The following DNAH17 variants were observed in gnomAD, a reference collection of about 807,000 sequenced individuals.
The protein encoded by DNAH17 is dynein axonemal heavy chain 17.
In DNAH17, 376 loss-of-function variants were observed where a neutral mutation model predicts 485.6. That is an observed-to-expected ratio of 0.77 (90% CI 0.71 to 0.84). The LOEUF (loss-of-function observed/expected upper bound fraction) is 0.84, where lower values mean the gene tolerates loss of function less well. Among genes scored for constraint, DNAH17 ranks in the 40% least tolerant of loss-of-function variants. The probability of loss-of-function intolerance (pLI) is 0.00; values close to 1 mark genes in which losing one functional copy is unlikely to be tolerated. For missense variants in DNAH17, 6,370 were observed against 5,839.3 expected, an observed-to-expected ratio of 1.09 and a Z score of -2.96; for synonymous variants, 3,031 against 2,405.9, an observed-to-expected ratio of 1.26 and a Z score of -7.60.
At chr17:78,460,428 G>A (rs1312229489) in intron 58 of DNAH17, among the ~76,000 whole-genome samples, 171 bp from the exon 59 acceptor site, 1 of 152,024 alleles carries the variant, frequency 6.6e-6, no homozygotes, top group African/African-American at 2.4e-5. Context: ...ATGTGTATGT[G>A]CATCCATGTG....
At position 78,463,216 on chromosome 17, in the gene DNAH17, G is replaced by A. The variant is rs149488106; in HGVS notation, c.8941-139C>T. 2.4e-4 allele frequency: 177 copies of A among 722,462 alleles called. 1 individual carries two copies. In the East Asian group the frequency reaches 4.5e-3, roughly 18 times the overall value. The allele number at this position is 722,462 out of a possible 1,614,324, so 44.8% of individuals were successfully genotyped here. On this transcript the variant is annotated intron_variant, in intron 56 of 80. Coordinates refer to ENST00000389840, the MANE Select transcript of DNAH17 (RefSeq NM_173628.4). ...CCTCAGTGTCTTCAACTGCCCAAAG[G>A]GGCTCCTGAGAGCAACAGATCCTGG...
intron 44 of DNAH17, among the ~76,000 whole-genome samples, chr17:78,486,832 A>C (rs2089631748): frequency 6.6e-6 from 1 of 152,124 alleles, no homozygotes; most frequent in East Asian, 1.9e-4. Context: ...GATGGGGCAG[A>C]ACAGAAAAGG....
chr17:78,474,435 G>A (rs1262545467), intron 54 of DNAH17, among the ~76,000 whole-genome samples: 1 of 152,198 alleles, frequency 6.6e-6, no homozygotes, highest in Admixed American at 6.5e-5. Flanking sequence ...GTGTGTGTTG[G>A]GCATGGGAGA....
chr17:78,485,663 G>A lies in DNAH17; in HGVS notation c.7370C>T (p.Ala2457Val), dbSNP rs139963298. ...CATCAGCACCGACTTGCCCGTCCCCGCGTTCCCCACCAGCATCACCGGCCA... is the reference window on the plus strand; with the variant it reads ...CATCAGCACCGACTTGCCCGTCCCCACGTTCCCCACCAGCATCACCGGCCA... ...KSWPVMLVGNAGTGKSVLMGD... is the reference protein window; with the variant it reads ...KSWPVMLVGNVGTGKSVLMGD... Residue 2457 changes from alanine to valine, a missense_variant, in exon 47 of 81, where the codon GCG (alanine) becomes GTG (valine). Physicochemically the swap from Ala to Val is moderately conservative, Grantham distance 64. Transcript: ENST00000389840. 19 of 1,613,970 alleles carry A rather than the reference G, an allele frequency of 1.2e-5. No homozygotes were observed. The highest frequency in any genetic ancestry group is 6.7e-5 in the East Asian group (3 of 44,882).
intron 16 of DNAH17, among the ~76,000 whole-genome samples, chr17:78,544,861 C>T (rs954978489): frequency 7.0e-6 from 1 of 142,484 alleles, no homozygotes; most frequent in Non-Finnish European, 1.5e-5. Context: ...ATGATTTGGA[C>T]TTTACTGTTA....
rs191099967 is a variant in DNAH17 at position 78,466,541 on chromosome 17, G to A, written c.8940+114C>T. The stretch of plus-strand genomic sequence containing the variant: ...CTTAAACGTTGAGCCCAAGGCGGAC[G>A]CCTCACTTGGCTCACCCTAATCCCA... On this transcript the variant is annotated intron_variant, in intron 56 of 80. Coordinates refer to ENST00000389840, the MANE Select transcript of DNAH17 (RefSeq NM_173628.4). The A allele has an allele frequency of 7.2e-5, 70 of 977,416 alleles. No homozygotes were observed. In the East Asian group the frequency reaches 1.5e-3, roughly 22 times the overall value. 60.5% of individuals were successfully genotyped at this position (977,416 alleles called of 1,614,324 possible).
chr17:78,433,884 T>C (rs1268313758), intron 75 of DNAH17, 145 bp downstream of exon 75: 2 of 636,444 alleles, frequency 3.1e-6, no homozygotes, highest in Non-Finnish European at 4.8e-6. Flanking sequence ...ACTTGATGTC[T>C]TTTAAGCCTA....
chr17:78,542,285 T>C (rs1235707938), intron 17 of DNAH17, among the ~76,000 whole-genome samples: 3 of 151,964 alleles, frequency 2.0e-5, no homozygotes, highest in Admixed American at 2.0e-4. Context: ...GTAGCTAGGA[T>C]TACAGGTTCC....
chr17:78,492,253 G>A (rs530201692), intron 42 of DNAH17, among the ~76,000 whole-genome samples: 57 of 152,204 alleles, frequency 3.7e-4, no homozygotes, highest in African/African-American at 1.3e-3. Context: ...CCTCCTGGGG[G>A]AAGCTTCTCC....
intron 27 of DNAH17, among the ~76,000 whole-genome samples, chr17:78,509,693 C>A (rs990416865): frequency 1.3e-5 from 2 of 152,130 alleles, no homozygotes; most frequent in Non-Finnish European, 2.9e-5. Flanking sequence ...GGGCCATCCC[C>A]CACCCATCCC....
intron 44 of DNAH17, chr17:78,489,474 C>G (rs2089753228): frequency 6.6e-6 from 1 of 152,270 alleles, no homozygotes; most frequent in Admixed American, 6.5e-5. Context: ...CCTCAACACG[C>G]CCTGAAGCTG....
intron 37 of DNAH17, chr17:78,498,715 A>G (rs2090166095): frequency 1.3e-5 from 3 of 235,392 alleles, no homozygotes; most frequent in Admixed American, 1.1e-4. Flanking sequence ...GCTGATACCA[A>G]TAACAAAGCA....
Position 78,543,287 on chromosome 17 carries a change from G to GT in DNAH17, c.2532+569dup, listed in dbSNP as rs56885468. Among the ~76,000 whole-genome samples, 342 of 139,248 alleles carry GT rather than the reference G, an allele frequency of 2.5e-3. 2 individuals carry two copies. Among genetic ancestry groups the GT allele is most frequent in the South Asian group, 0.013 (56 of 4,474 alleles). 91.4% of individuals were successfully genotyped at this position (139,248 alleles called of 152,430 possible). A position where few individuals can be genotyped will look rare whatever the true frequency, so the allele number is the denominator to read the frequency against. The stretch of plus-strand genomic sequence containing the variant: ...GTGCCAACGTGCCCGGTTAATTTTT[G>GT]TTTTTTTTTTTTTTGAGACGGAGTC... On this transcript the variant is annotated intron_variant, in intron 17 of 80. Coordinates refer to ENST00000389840, the MANE Select transcript of DNAH17 (RefSeq NM_173628.4).
intron 17 of DNAH17, among the ~76,000 whole-genome samples, chr17:78,541,920 A>T (rs756902015): frequency 5.3e-5 from 8 of 151,978 alleles, no homozygotes; most frequent in African/African-American, 9.7e-5. Context: ...GAGGGGAGGG[A>T]TGGGAACTGG....
Position 78,451,684 on chromosome 17 carries a change from G to C in DNAH17, c.10530-11C>G. ...CCGATCTTAATGTACCTGGCGGTTG[G>C]TGGAGGAAAGGGTTAGTGGGCCTCC... On this transcript the variant is annotated splice_polypyrimidine_tract_variant and intron_variant, in intron 65 of 80. Transcript: ENST00000389840. 1 of 1,550,432 alleles carries C rather than the reference G, an allele frequency of 6.4e-7. No individual in the cohort carries two copies. Among genetic ancestry groups the C allele is most frequent in the Non-Finnish European group, 8.7e-7 (1 of 1,147,602 alleles).
intron 37 of DNAH17, among the ~76,000 whole-genome samples, chr17:78,497,890 C>A (rs1233006661): frequency 6.6e-6 from 1 of 152,148 alleles, no homozygotes; most frequent in Admixed American, 6.5e-5. Flanking sequence ...CGCCTGTAAT[C>A]CCAGCAGTTT....
At chr17:78,574,618 G>T in intron 2 of DNAH17, 95 bp downstream of exon 2, 2 of 1,112,582 alleles carry the variant, frequency 1.8e-6, no homozygotes, top group Non-Finnish European at 2.6e-6. Context: ...AGCTGCTGCT[G>T]GCCCAGGGAC....
rs117081296 is a variant in DNAH17, at chr17:78,514,541, G to T, written c.4113+233C>A. Among the ~76,000 whole-genome samples, 904 of 148,910 alleles carry T rather than the reference G, an allele frequency of 6.1e-3. 22 individuals carry two copies. Among genetic ancestry groups the T allele is most frequent in the East Asian group, 0.046 (233 of 5,076 alleles). ...AAAAAAAGAAAAAGAAAATTACTAAGAATTTTGAGATGGTGAAGTTGAGAT... is the reference window on the plus strand; with the variant it reads ...AAAAAAAGAAAAAGAAAATTACTAATAATTTTGAGATGGTGAAGTTGAGAT... On this transcript the variant is annotated intron_variant, in intron 26 of 80. Transcript: ENST00000389840.
chr17:78,560,963 C>CCA, intron 12 of DNAH17, 28 bp from the exon 13 acceptor site: 1 of 1,537,312 alleles, frequency 6.5e-7, no homozygotes. Flanking sequence ...AGGCGAGGCC[C>CCA]CACTGGATAT....
Sources: allele counts gnomAD v4.1 joint callset (sites outside exome capture counted in the v4.1 genomes callset), GRCh38; gene constraint gnomAD v4.1.1; transcripts MANE v1.5; gene names NCBI Gene and HGNC (gene_info 2026-07-23, HGNC 2026-07-21).